Variants in KCNQ1 observed in about 807,000 individuals in gnomAD.
The protein encoded by KCNQ1 is potassium voltage-gated channel subfamily Q member 1, also known as potassium voltage-gated channel subfamily KQT member 1.
Under a neutral mutation model 72.4 loss-of-function variants are expected in KCNQ1, and 49 were observed. The ratio of observed to expected loss-of-function variants is 0.68; its 90% CI spans 0.54 to 0.86. KCNQ1 has a LOEUF of 0.86. KCNQ1 is among the 40% of genes least tolerant of loss of function. The pLI, the probability that KCNQ1 is intolerant of heterozygous loss-of-function variation, is 0.00. For synonymous variants in KCNQ1, 450 were observed against 412.6 expected, an observed-to-expected ratio of 1.09 and a Z score of -1.10; for missense variants, 790 against 945.1, an observed-to-expected ratio of 0.84 and a Z score of 2.15.
intron 11 of KCNQ1, among the ~76,000 whole-genome samples, chr11:2,730,268 C>T (rs1345963504): frequency 6.6e-6 from 1 of 152,194 alleles, no homozygotes; most frequent in Non-Finnish European, 1.5e-5. Context: ...TTGAGAGGGA[C>T]CATTTTAGCT....
Position 2,587,662 on chromosome 11 carries a change from A to G in KCNQ1, c.1221A>G (p.Ser407=), listed in dbSNP as rs1589968626. ...CCCCCCGGAGCCACACTCTGCTGTC[A>G]CCCAGCCCCAAACCCAAGAAGTCTG... ...RKAPRSHTLL[S]PSPKPKKSVV... is the part of the protein sequence containing the mutation. The change falls in exon 9 of 16, where the codon TCA becomes TCG. Residue 407 remains serine (S), a synonymous_variant. Coordinates refer to ENST00000155840, the MANE Select transcript of KCNQ1 (RefSeq NM_000218.3). 2 of 1,613,754 alleles carry G rather than the reference A, an allele frequency of 1.2e-6. No individual in the cohort carries two copies. Among genetic ancestry groups the G allele is most frequent in the Non-Finnish European group, 1.7e-6 (2 of 1,179,980 alleles).
rs1267653028 is a variant in KCNQ1, at chr11:2,564,632, A to C, written c.478-5996A>C. Among the ~76,000 whole-genome samples, 2 of 152,188 alleles carry C rather than the reference A, an allele frequency of 1.3e-5. No individual in the cohort carries two copies. Among genetic ancestry groups the C allele is most frequent in the African/African-American group, 4.8e-5 (2 of 41,432 alleles). ...AATGGAAATATGTTTTACCATCTTA[A>C]CCCTTTTTAAGATCACAGTTCCTTG... On this transcript the variant is annotated intron_variant, in intron 2 of 15. Transcript: ENST00000155840. This position sits in a 1 kb window ranked among gnomAD's most constrained non-coding sequence, Gnocchi z 4.5.
rs1849238657 is a variant in KCNQ1 at position 2,624,856 on chromosome 11, G to A, written c.1393+36002G>A. 2.5e-6 allele frequency: 1 copy of A among 398,416 alleles called. No individual in the cohort carries two copies. The highest frequency in any genetic ancestry group is 4.4e-6 in the Non-Finnish European group (1 of 226,034). 24.7% of individuals were successfully genotyped at this position (398,416 alleles called of 1,614,324 possible). On this transcript the variant is annotated intron_variant, in intron 10 of 15. Transcript: ENST00000155840. This position sits in a 1 kb window ranked among gnomAD's most constrained non-coding sequence, Gnocchi z 4.9. The stretch of plus-strand genomic sequence containing the variant: ...ATACAGTACTTCTCTTCTTGTGACT[G>A]CTGTATTTCATTTAACATAATGGCC...
intron 2 of KCNQ1, among the ~76,000 whole-genome samples, chr11:2,529,680 CTG>C (rs1048283830): frequency 6.6e-6 from 1 of 152,160 alleles, no homozygotes; most frequent in African/African-American, 2.4e-5. Flanking sequence ...CTTCTCGTGA[CTG>C]TGGTCGTAGA....
chr11:2,599,884 G>A lies in KCNQ1; in HGVS notation c.1393+11030G>A, dbSNP rs1166302469. ...TGTCTCCAAACATGCTGAGTCACGT[G>A]CCGAGGTATTAAAGACCAGGGCTTC... On this transcript the variant is annotated intron_variant, in intron 10 of 15. Transcript: ENST00000155840. The surrounding 1 kb of genome is among the most constrained non-coding windows in gnomAD (Gnocchi z 4.7). Among the ~76,000 whole-genome samples, 2 of 152,236 alleles carry A rather than the reference G, an allele frequency of 1.3e-5. No individual in the cohort carries two copies. The highest frequency in any genetic ancestry group is 2.9e-5 in the Non-Finnish European group (2 of 68,048).
Position 2,500,863 on chromosome 11 carries a change from G to A in KCNQ1, c.387-27065G>A, listed in dbSNP as rs545554624. 2.5e-3 allele frequency among the ~76,000 whole-genome samples: 262 copies of A among 103,262 alleles called. 2 individuals carry two copies. The highest frequency in any genetic ancestry group is 8.8e-3 in the African/African-American group (233 of 26,560). 67.7% of individuals were successfully genotyped at this position (103,262 alleles called of 152,430 possible). A position where few individuals can be genotyped will look rare whatever the true frequency, so the allele number is the denominator to read the frequency against. ...CACAGGGAGGGGAACATCACACACC[G>A]GGGTCTGTTGGGGGGTGGGGGCAAG... is the stretch of plus-strand genomic sequence containing the variant. On this transcript the variant is annotated intron_variant, in intron 1 of 15. Coordinates refer to ENST00000155840, the MANE Select transcript of KCNQ1 (RefSeq NM_000218.3).
At chr11:2,518,814 G>A (rs886236096) in intron 1 of KCNQ1, among the ~76,000 whole-genome samples, 23 of 152,182 alleles carry the variant, frequency 1.5e-4, no homozygotes, top group African/African-American at 5.3e-4. Flanking sequence ...CAGCTGCCGC[G>A]GAACAAGCCA....
Position 2,657,901 on chromosome 11 carries a change from T to C in KCNQ1, c.1394-4060T>C, listed in dbSNP as rs1849878751. Reference sequence around the variant, plus strand: ...CCAGTGAGGTGAGATGCTTTCCTCATTGTGGAACATGACATCAACATGGTT... The same window carrying C: ...CCAGTGAGGTGAGATGCTTTCCTCACTGTGGAACATGACATCAACATGGTT... On this transcript the variant is annotated intron_variant, in intron 10 of 15. Coordinates refer to ENST00000155840, the MANE Select transcript of KCNQ1 (RefSeq NM_000218.3). The surrounding 1 kb of genome is among the most constrained non-coding windows in gnomAD (Gnocchi z 4.8). 2.5e-6 allele frequency: 1 copy of C among 398,506 alleles called. No homozygotes were observed. The highest frequency in any genetic ancestry group is 4.4e-5 in the Admixed American group (1 of 22,710). 24.7% of individuals were successfully genotyped at this position (398,506 alleles called of 1,614,324 possible). A position where few individuals can be genotyped will look rare whatever the true frequency, so the allele number is the denominator to read the frequency against.
intron 2 of KCNQ1, among the ~76,000 whole-genome samples, chr11:2,554,776 G>T (rs1279801002): frequency 1.3e-5 from 2 of 152,174 alleles, no homozygotes; most frequent in Non-Finnish European, 2.9e-5. Flanking sequence ...GTAAACTTCA[G>T]CCCTAAAACA....
At chr11:2,799,451 T>TGTGTG (rs1301314675) in intron 15 of KCNQ1, among the ~76,000 whole-genome samples, 1 of 151,698 alleles carries the variant, frequency 6.6e-6, no homozygotes, top group Non-Finnish European at 1.5e-5. Context: ...TGTGTTGGCA[T>TGTGTG]GTGTGGTGTG....
At chr11:2,825,784 A>G (rs758605273) in intron 15 of KCNQ1, among the ~76,000 whole-genome samples, 2 of 152,192 alleles carry the variant, frequency 1.3e-5, no homozygotes, top group African/African-American at 4.8e-5. Context: ...TACTTTGCTC[A>G]GTAACGGACT....
rs1847953918 is a variant in KCNQ1, at chr11:2,549,731, G to T, written c.478-20897G>T. On this transcript the variant is annotated intron_variant, in intron 2 of 15. Coordinates refer to ENST00000155840, the MANE Select transcript of KCNQ1 (RefSeq NM_000218.3). The surrounding 1 kb of genome is among the most constrained non-coding windows in gnomAD (Gnocchi z 6.2). ...CTGGGCTCCCCAGGCCTGGTGTGGG[G>T]GTGCCTGGGGGGCAGTGGACGTGAG... is the stretch of plus-strand genomic sequence containing the variant. Among the ~76,000 whole-genome samples, 2 of 152,064 alleles carry T rather than the reference G, an allele frequency of 1.3e-5. No individual in the cohort carries two copies. Among genetic ancestry groups the T allele is most frequent in the Admixed American group, 6.5e-5 (1 of 15,280 alleles).
chr11:2,648,450 T>C, intron 10 of KCNQ1: 1 of 398,544 alleles, frequency 2.5e-6, no homozygotes, highest in Non-Finnish European at 4.4e-6. Context: ...TTGTACCCTA[T>C]ACATTTTTGT....
Position 2,762,856 on chromosome 11 carries a change from T to C in KCNQ1, c.1515-5988T>C, listed in dbSNP as rs1373709223. ...TGTCTTCCACGAAACTGGTCCCTGG[T>C]GCCAAAAAGGTTGGGGAACCACTGC... On this transcript the variant is annotated intron_variant, in intron 11 of 15. Transcript: ENST00000155840. This position sits in a 1 kb window ranked among gnomAD's most constrained non-coding sequence, Gnocchi z 4.3. 1.3e-5 allele frequency among the ~76,000 whole-genome samples: 2 copies of C among 151,910 alleles called. No individual in the cohort carries two copies. Among genetic ancestry groups the C allele is most frequent in the Non-Finnish European group, 2.9e-5 (2 of 68,010 alleles).
Position 2,572,016 on chromosome 11 carries a change from C to T in KCNQ1, c.687C>T (p.Gly229=). 1 of 1,612,286 alleles carries T rather than the reference C, an allele frequency of 6.2e-7. No homozygotes were observed. The highest frequency in any genetic ancestry group is 8.5e-7 in the Non-Finnish European group (1 of 1,179,486). The change falls in exon 5 of 16, where the codon GGC becomes GGT. Residue 229 remains glycine (G), a synonymous_variant. Transcript: ENST00000155840. ...CCCCACACCATCTCCTTCGCAGGGG[C>T]ATCCGCTTCCTGCAGATCCTGAGGA... ...GQVFATSAIR[G]IRFLQILRML... is the part of the protein sequence containing the mutation.
rs1466574931 is a variant in KCNQ1, at chr11:2,544,452, T to C, written c.477+16434T>C. ...CATACCTAATATGTATATGGTTATA[T>C]ATCTCTTATAAGGGTTATATATCTC... is the stretch of plus-strand genomic sequence containing the variant. On this transcript the variant is annotated intron_variant, in intron 2 of 15. Transcript: ENST00000155840. The surrounding 1 kb of genome is among the most constrained non-coding windows in gnomAD (Gnocchi z 4.4). 2.0e-5 allele frequency among the ~76,000 whole-genome samples: 3 copies of C among 151,596 alleles called. No homozygotes were observed. The highest frequency in any genetic ancestry group is 2.4e-5 in the African/African-American group (1 of 41,290).
intron 6 of KCNQ1, 85 bp downstream of exon 6, chr11:2,573,071 C>T: frequency 6.7e-7 from 1 of 1,499,536 alleles, no homozygotes; most frequent in Non-Finnish European, 9.0e-7. Context: ...TGTCTTGAGA[C>T]TTCGGGCCTT....
In KCNQ1 at chr11:2,599,944, G is replaced by T. The variant is rs1376634059; in HGVS notation, c.1393+11090G>T. On this transcript the variant is annotated intron_variant, in intron 10 of 15. Transcript: ENST00000155840. The surrounding 1 kb of genome is among the most constrained non-coding windows in gnomAD (Gnocchi z 4.7). ...CCTTGTGGGACACAATTCAGCCCGT[G>T]ACACAGGAATAGGCTTGTTAATTTC... Among the ~76,000 whole-genome samples, 1 of 152,260 alleles carries T rather than the reference G, an allele frequency of 6.6e-6. No individual in the cohort carries two copies. Among genetic ancestry groups the T allele is most frequent in the Non-Finnish European group, 1.5e-5 (1 of 68,048 alleles).
chr11:2,643,581 G>A, intron 10 of KCNQ1: 1 of 398,392 alleles, frequency 2.5e-6, no homozygotes, highest in Non-Finnish European at 4.4e-6. Context: ...GCATTTAGAT[G>A]GGTCATGTTT....
Sources: allele counts gnomAD v4.1 joint callset (sites outside exome capture counted in the v4.1 genomes callset), GRCh38; gene constraint gnomAD v4.1.1; non-coding constraint Gnocchi (gnomAD v3.1); transcripts MANE v1.5; gene names NCBI Gene and HGNC (gene_info 2026-07-23, HGNC 2026-07-21).